BCAR3: variants seen among roughly 807,000 people sequenced by gnomAD.
BCAR3 encodes breast cancer anti-estrogen resistance protein 3.
Under a neutral mutation model 80.1 loss-of-function variants are expected in BCAR3, and 37 were observed. That is an observed-to-expected ratio of 0.46 (90% CI 0.36 to 0.61). The LOEUF is 0.61. Among genes scored for constraint, BCAR3 ranks in the 20% least tolerant of loss-of-function variants. BCAR3 has a pLI of 0.00. For synonymous variants in BCAR3, 389 were observed against 418.9 expected, an observed-to-expected ratio of 0.93 and a Z score of 0.87; for missense variants, 978 against 1,068.2, an observed-to-expected ratio of 0.92 and a Z score of 1.18.
intron 8 of BCAR3, among the ~76,000 whole-genome samples, chr1:93,573,633 A>AT (rs1156233219): frequency 0.011 from 1,513 of 138,270 alleles, 39 homozygotes; most frequent in African/African-American, 0.04. Flanking sequence ...TATTATTATT[A>AT]TTTTTTTTTT....
chr1:93,748,539 A>C (rs1334631819), intron 2 of BCAR3, among the ~76,000 whole-genome samples: 1 of 152,068 alleles, frequency 6.6e-6, no homozygotes, highest in Non-Finnish European at 1.5e-5. Flanking sequence ...GGCCATATTC[A>C]ATGATCTTGT....
intron 3 of BCAR3, among the ~76,000 whole-genome samples, chr1:93,596,556 T>G (rs899616113): frequency 6.6e-6 from 1 of 151,934 alleles, no homozygotes; most frequent in African/African-American, 2.4e-5. Flanking sequence ...TGACATTGAG[T>G]GTGAATGGAG....
intron 2 of BCAR3, among the ~76,000 whole-genome samples, chr1:93,665,411 T>C (rs1276668437): frequency 2.0e-5 from 3 of 151,498 alleles, no homozygotes; most frequent in Admixed American, 2.0e-4. Context: ...AAAAAAAAAA[T>C]CTTCTTTTGA....
intron 3 of BCAR3, among the ~76,000 whole-genome samples, chr1:93,688,168 A>G (rs1649040117): frequency 1.3e-5 from 2 of 152,230 alleles, no homozygotes; most frequent in Non-Finnish European, 2.9e-5. Flanking sequence ...ATAGCTGCAT[A>G]CTTACTATCA....
At chr1:93,606,273 C>T (rs771882760) in intron 3 of BCAR3, among the ~76,000 whole-genome samples, 7 of 152,164 alleles carry the variant, frequency 4.6e-5, no homozygotes, top group African/African-American at 7.2e-5. Context: ...AGAAACTGGA[C>T]TTAAAGACAC....
rs373057454 is a variant in BCAR3 at position 93,831,826 on chromosome 1, C to T, written c.-63+13741G>A. On this transcript the variant is annotated intron_variant, in intron 2 of 13. Coordinates refer to the BCAR3 transcript ENST00000370244. ...GCTTACTGTTTCTTTCCGCAACTAGCCCTCCCCGACCTGCCCAACAATTTC... is the reference window on the plus strand; with the variant it reads ...GCTTACTGTTTCTTTCCGCAACTAGTCCTCCCCGACCTGCCCAACAATTTC... Among the ~76,000 whole-genome samples the T allele has an allele frequency of 2.1e-4, 32 of 152,286 alleles. No homozygotes were observed. In the East Asian group the frequency reaches 4.4e-3, roughly 21 times the overall value.
At chr1:93,759,700 G>A (rs934702505) in intron 2 of BCAR3, among the ~76,000 whole-genome samples, 3 of 152,158 alleles carry the variant, frequency 2.0e-5, no homozygotes, top group Admixed American at 6.5e-5. Flanking sequence ...CTGCCCTTGC[G>A]TTATTTGGAA....
chr1:93,756,770 G>A (rs1651762956), intron 2 of BCAR3, among the ~76,000 whole-genome samples: 1 of 152,216 alleles, frequency 6.6e-6, no homozygotes, highest in African/African-American at 2.4e-5. Flanking sequence ...ATGCCCAGGT[G>A]CAGCCTCTGG....
intron 2 of BCAR3, among the ~76,000 whole-genome samples, chr1:93,845,151 C>A (rs1404652946): frequency 2.0e-5 from 3 of 151,938 alleles, no homozygotes; most frequent in Non-Finnish European, 2.9e-5. Context: ...TCTCAACTGT[C>A]ACTTAATCAC....
Position 93,774,089 on chromosome 1 carries a change from G to A in BCAR3, c.-62-67947C>T, listed in dbSNP as rs191496954. Among the ~76,000 whole-genome samples, 514 of 152,260 alleles carry A rather than the reference G, an allele frequency of 3.4e-3. 3 individuals carry two copies. Among genetic ancestry groups the A allele is most frequent in the African/African-American group, 0.011 (469 of 41,538 alleles). On this transcript the variant is annotated intron_variant, in intron 2 of 13. Coordinates refer to the BCAR3 transcript ENST00000370244. The stretch of plus-strand genomic sequence containing the variant: ...CTATCAATTGGCCACATTTCACAAA[G>A]GAAGTTAAGAGCAATCAGGAGTAAC...
intron 4 of BCAR3, among the ~76,000 whole-genome samples, chr1:93,590,644 C>T (rs1674133948): frequency 6.6e-6 from 1 of 152,186 alleles, no homozygotes; most frequent in Non-Finnish European, 1.5e-5. Flanking sequence ...CAGTATACTT[C>T]TGTTAGGTCA....
At chr1:93,583,382 A>G (rs1164780485) in intron 6 of BCAR3, among the ~76,000 whole-genome samples, 2 of 152,194 alleles carry the variant, frequency 1.3e-5, no homozygotes, top group African/African-American at 4.8e-5. Context: ...AGAGCTGGAG[A>G]CAGGGAAGGG....
At chr1:93,807,716 G>T (rs977967668) in intron 2 of BCAR3, among the ~76,000 whole-genome samples, 9 of 152,084 alleles carry the variant, frequency 5.9e-5, no homozygotes, top group Non-Finnish European at 1.3e-4. Context: ...TAAGACAACT[G>T]CACTTCTTTT....
chr1:93,654,142 A>G (rs1011462901), intron 2 of BCAR3, among the ~76,000 whole-genome samples: 2 of 152,090 alleles, frequency 1.3e-5, no homozygotes, highest in Non-Finnish European at 2.9e-5. Context: ...CAGCCCCCCA[A>G]AATTCCTATC....
At position 93,582,321 on chromosome 1, in the gene BCAR3, C is replaced by T. The variant is rs575587868; in HGVS notation, c.1666G>A (p.Val556Ile). The change falls in exon 7 of 12, where the codon GTA becomes ATA. Residue 556 changes from valine to isoleucine, a missense_variant. Coordinates refer to ENST00000260502, the MANE Select transcript of BCAR3 (RefSeq NM_003567.4). ...CTTACCCTGCAGTCCATGCTCAGTA[C>T]GTGCTGGGCGATGACCTTGGGGTCG... ...NNDPKVIAQH[V>I]LSMDCRVARI... 1.7e-4 allele frequency: 270 copies of T among 1,613,996 alleles called. No homozygotes were observed. The highest frequency in any genetic ancestry group is 3.7e-4 in the South Asian group (34 of 91,040).
chr1:93,732,128 T>C (rs1650811255), intron 2 of BCAR3, among the ~76,000 whole-genome samples: 1 of 151,268 alleles, frequency 6.6e-6, no homozygotes, highest in Non-Finnish European at 1.5e-5. Flanking sequence ...TAGAAAGAGG[T>C]TCACAGAACG....
intron 2 of BCAR3, among the ~76,000 whole-genome samples, chr1:93,712,839 A>G (rs1442151509): frequency 6.6e-6 from 1 of 152,214 alleles, no homozygotes; most frequent in African/African-American, 2.4e-5. Flanking sequence ...TTCTCGTCCC[A>G]AAGCTATACT....
intron 4 of BCAR3, among the ~76,000 whole-genome samples, chr1:93,589,787 G>C (rs1408620070): frequency 6.6e-6 from 1 of 152,206 alleles, no homozygotes; most frequent in Non-Finnish European, 1.5e-5. Context: ...AACCAGGAAA[G>C]GAGGCAGGAA....
At chr1:93,807,018 T>C (rs1653675553) in intron 2 of BCAR3, among the ~76,000 whole-genome samples, 1 of 151,952 alleles carries the variant, frequency 6.6e-6, no homozygotes, top group Non-Finnish European at 1.5e-5. Flanking sequence ...GGTGGGAAGA[T>C]TGCTTGAGCC....
Sources: gnomAD v4.1 joint callset for allele counts (sites outside exome capture counted in the v4.1 genomes callset) on GRCh38, gnomAD v4.1.1 for gene constraint, MANE v1.5 for transcripts, NCBI Gene and HGNC (gene_info 2026-07-23, HGNC 2026-07-21) for gene names.